The following LRRK2 variants were observed in gnomAD, a reference collection of about 807,000 sequenced individuals.
LRRK2 encodes leucine rich repeat kinase 2.
Under a neutral mutation model 302.6 loss-of-function variants are expected in LRRK2, and 203 were observed. That is an observed-to-expected ratio of 0.67 (90% CI 0.60 to 0.75). The LOEUF (loss-of-function observed/expected upper bound fraction) is 0.75. Ranked by LOEUF, LRRK2 falls within the 30% of genes least tolerant of loss-of-function variation. LRRK2 has a pLI of 0.00. For synonymous variants in LRRK2, 1,066 were observed against 1,031.9 expected (o/e 1.03, Z -0.63); for missense variants, 2,830 against 2,951.0 (o/e 0.96, Z 0.95).
At chr12:40,261,876 G>A (rs532587105) in intron 13 of LRRK2, among the ~76,000 whole-genome samples, 21 of 152,062 alleles carry the variant, frequency 1.4e-4, no homozygotes, top group South Asian at 4.1e-4. Context: ...TATATCTTAA[G>A]TTTCTTTCAA....
chr12:40,249,795 G>A, intron 7 of LRRK2, 31 bp from the exon 8 acceptor site: 1 of 1,611,506 alleles, frequency 6.2e-7, no homozygotes, highest in Non-Finnish European at 8.5e-7. Flanking sequence ...CCATGGATGA[G>A]AATTCAGCTA....
In LRRK2 at chr12:40,240,625, G is replaced by A; in HGVS notation, c.706+8G>A. On this transcript the variant is annotated splice_region_variant and intron_variant, in intron 6 of 50. Coordinates refer to ENST00000298910, the MANE Select transcript of LRRK2 (RefSeq NM_198578.4). ...ATTCCCTAGCGATTCCTTGTAAGTA[G>A]CATTTAAATGTTATTTATTTTTTGT... The A allele has an allele frequency of 6.2e-7, 1 of 1,610,988 alleles. No individual in the cohort carries two copies. The highest frequency in any genetic ancestry group is 1.7e-4 in the Middle Eastern group (1 of 6,032).
chr12:40,264,657 GTCT>G (rs1261171097), intron 14 of LRRK2, among the ~76,000 whole-genome samples: 2 of 152,070 alleles, frequency 1.3e-5, no homozygotes, highest in African/African-American at 4.8e-5. Context: ...AAACAGTAAA[GTCT>G]TCTTTGATTC....
chr12:40,235,698 T>A lies in LRRK2; in HGVS notation c.420T>A (p.Asp140Glu). 1 of 1,597,934 alleles carries A rather than the reference T, an allele frequency of 6.3e-7. No homozygotes were observed. The highest frequency in any genetic ancestry group is 1.7e-5 in the Admixed American group (1 of 59,976). ...NLSVIGLKTL[D>E]LLLTSGKITL... ...CAGTGATTGGACTGAAGACCTTAGA[T>A]CTCCTCCTAACTTCAGGTAATATGT... The change falls in exon 4 of 51, where the codon GAT becomes GAA. Residue 140 changes from aspartate (D) to glutamate (E), a missense_variant. Physicochemically the swap from Asp to Glu is conservative, Grantham distance 45 (BLOSUM62 2). Coordinates refer to ENST00000298910, the MANE Select transcript of LRRK2 (RefSeq NM_198578.4).
intron 43 of LRRK2, 134 bp downstream of exon 43, chr12:40,348,643 C>T (rs1946265157): frequency 1.5e-6 from 1 of 676,498 alleles, no homozygotes; most frequent in East Asian, 2.8e-5. Context: ...TAAGGCAAAC[C>T]TCCTATAATT....
At chr12:40,265,345 C>T (rs866814903) in intron 14 of LRRK2, among the ~76,000 whole-genome samples, 1 of 152,070 alleles carries the variant, frequency 6.6e-6, no homozygotes, top group Non-Finnish European at 1.5e-5. Flanking sequence ...AAACAAGAGA[C>T]ACACAGCAGA....
intron 13 of LRRK2, among the ~76,000 whole-genome samples, chr12:40,261,071 A>G (rs11564152): frequency 0.033 from 5,060 of 152,240 alleles, 242 homozygotes; most frequent in Admixed American, 0.12. Context: ...TGGCTATTCA[A>G]TCAGTATTTT....
In LRRK2 at chr12:40,320,104, G is replaced by A. The variant is rs1424699017; in HGVS notation, c.4944G>A (p.Gln1648=). ...KRKFPKNYMS[Q]YFKLLEKFQI... ...AATTTCCAAAGAACTACATGTCACA[G>A]TATTTTAAGCTCCTAGAAAAATTCC... The change falls in exon 34 of 51, where the codon CAG becomes CAA. Residue 1648 remains glutamine, a synonymous_variant. Transcript: ENST00000298910. The A allele has an allele frequency of 1.9e-6, 3 of 1,611,706 alleles. No individual in the cohort carries two copies. Among genetic ancestry groups the A allele is most frequent in the Non-Finnish European group, 2.5e-6 (3 of 1,178,754 alleles).
chr12:40,290,020 G>A (rs961772743), intron 20 of LRRK2, among the ~76,000 whole-genome samples: 5 of 151,778 alleles, frequency 3.3e-5, no homozygotes, highest in Non-Finnish European at 5.9e-5. Context: ...AAACTTAGAG[G>A]AAAAACATAC....
At chr12:40,243,209 C>T (rs1326069872) in intron 6 of LRRK2, among the ~76,000 whole-genome samples, 1 of 150,862 alleles carries the variant, frequency 6.6e-6, no homozygotes, top group Non-Finnish European at 1.5e-5. Context: ...AACTTATGAC[C>T]AATACATTAC....
chr12:40,346,111 G>GT (rs1441509328), intron 41 of LRRK2, among the ~76,000 whole-genome samples: 1 of 151,896 alleles, frequency 6.6e-6, no homozygotes, highest in African/African-American at 2.4e-5. Flanking sequence ...GAATTTAAAA[G>GT]TAATTTATCT....
intron 14 of LRRK2, among the ~76,000 whole-genome samples, chr12:40,264,392 G>C (rs1359173239): frequency 6.6e-6 from 1 of 152,152 alleles, no homozygotes; most frequent in Non-Finnish European, 1.5e-5. Flanking sequence ...AGGCTGAGGT[G>C]GGTGGATCAC....
rs191242488 is a variant in LRRK2, at chr12:40,261,338, T to C, written c.1543+1734T>C. Among the ~76,000 whole-genome samples the C allele has an allele frequency of 2.9e-3, 444 of 152,252 alleles. 2 individuals carry two copies. Among genetic ancestry groups the C allele is most frequent in the Middle Eastern group, 0.02 (6 of 294 alleles). The stretch of plus-strand genomic sequence containing the variant: ...TGTTAGTTAATAAAATAATACTCTT[T>C]TAGTCCAAAAGCAAGTTTTGAATAC... On this transcript the variant is annotated intron_variant, in intron 13 of 50. Transcript: ENST00000298910.
chr12:40,293,893 G>GTATATATATATATATATATATATA (rs1565720912), intron 21 of LRRK2, among the ~76,000 whole-genome samples: 1 of 127,594 alleles, frequency 7.8e-6, no homozygotes, highest in Non-Finnish European at 1.6e-5. Flanking sequence ...ATTTTTTGGG[G>GTATATATATATATATATATATATA]CACATATATA....
intron 18 of LRRK2, among the ~76,000 whole-genome samples, chr12:40,281,067 C>A (rs993439994): frequency 2.1e-3 from 265 of 129,058 alleles, no homozygotes; most frequent in South Asian, 3.7e-3. Flanking sequence ...GACTCCGTCT[C>A]AAAAAAAAAA....
chr12:40,240,410 A>T, intron 5 of LRRK2, 73 bp from the exon 6 acceptor site: 1 of 1,350,992 alleles, frequency 7.4e-7, no homozygotes, highest in Non-Finnish European at 1.1e-6. Context: ...TATAATGAAT[A>T]TTGTAATTTT....
At chr12:40,305,247 T>C (rs186678400) in intron 27 of LRRK2, among the ~76,000 whole-genome samples, 33 of 152,318 alleles carry the variant, frequency 2.2e-4, no homozygotes, top group Non-Finnish European at 3.2e-4. Context: ...TTTTGCTACC[T>C]GATTTTTTGC....
chr12:40,266,815 A>T (rs12317068), intron 14 of LRRK2, among the ~76,000 whole-genome samples: 107,696 of 151,792 alleles, frequency 0.71, 38,379 homozygotes, highest in African/African-American at 0.75. Context: ...TGGAATACTA[A>T]GCAGCCATAA....
chr12:40,316,837 C>A (rs1478990377), intron 33 of LRRK2, among the ~76,000 whole-genome samples: 1 of 151,984 alleles, frequency 6.6e-6, no homozygotes, highest in Non-Finnish European at 1.5e-5. Flanking sequence ...TCCTGTACAG[C>A]AAAGGAAGTT....
Sources: gnomAD v4.1 joint callset for allele counts (sites outside exome capture counted in the v4.1 genomes callset) on GRCh38, gnomAD v4.1.1 for gene constraint, MANE v1.5 for transcripts, NCBI Gene and HGNC (gene_info 2026-07-23, HGNC 2026-07-21) for gene names.